The following OR8B2 variants were observed in gnomAD, a reference collection of about 807,000 sequenced individuals.
The protein encoded by OR8B2 is olfactory receptor family 8 subfamily B member 2, also known as olfactory receptor 8B2.
For synonymous variants in OR8B2, 98 were observed against 138.2 expected, an observed-to-expected ratio of 0.71 and a Z score of 2.04; for missense variants, 304 against 379.6, an observed-to-expected ratio of 0.80 and a Z score of 1.65.
At chr11:124,384,911 G>A (rs1015658968), upstream of OR8B2, among the ~76,000 whole-genome samples, 4 of 151,964 alleles carry the variant, frequency 2.6e-5, no homozygotes, top group African/African-American at 7.2e-5. Context: ...TATAATTATC[G>A]GCAGTGTTAG....
chr11:124,391,814 G>T, the OR8B2 span, among the ~76,000 whole-genome samples: 1 of 151,042 alleles, frequency 6.6e-6, no homozygotes, highest in Non-Finnish European at 1.5e-5. Context: ...AACCAAAAAA[G>T]AGAATTTTAG....
At chr11:124,386,177 T>C (rs1397741057), upstream of OR8B2, among the ~76,000 whole-genome samples, 1 of 151,802 alleles carries the variant, frequency 6.6e-6, no homozygotes, top group Non-Finnish European at 1.5e-5. Context: ...TCTACCTTTT[T>C]TTTTTGTCCC....
chr11:124,385,563 A>G (rs1256424375), upstream of OR8B2, among the ~76,000 whole-genome samples: 3 of 149,988 alleles, frequency 2.0e-5, no homozygotes, highest in Non-Finnish European at 4.4e-5. Context: ...AATCCTATGT[A>G]CCTATTTATG....
chr11:124,396,993 T>C, the OR8B2 span: 2 of 1,613,840 alleles, frequency 1.2e-6, no homozygotes, highest in Non-Finnish European at 1.7e-6. Context: ...ATAGCGATCA[T>C]ATGCCATTGA....
the OR8B2 span, among the ~76,000 whole-genome samples, chr11:124,391,877 A>T: frequency 4.0e-5 from 6 of 149,694 alleles, no homozygotes. Flanking sequence ...AATACTGGCA[A>T]ACCAAATCCA....
upstream of OR8B2, among the ~76,000 whole-genome samples, chr11:124,385,565 C>G (rs757228809): frequency 3.1e-5 from 4 of 129,028 alleles, no homozygotes; most frequent in Non-Finnish European, 6.8e-5. Flanking sequence ...TCCTATGTAC[C>G]TATTTATGTA....
chr11:124,383,017 G>A lies in OR8B2; in HGVS notation c.327C>T (p.Ile109=), dbSNP rs781326745. 3.1e-6 allele frequency: 5 copies of A among 1,613,828 alleles called. No individual in the cohort carries two copies. Among genetic ancestry groups the A allele is most frequent in the Non-Finnish European group, 3.4e-6 (4 of 1,179,842 alleles). Residue 109 remains isoleucine, a synonymous_variant, in exon 2 of 2, where the codon ATC becomes ATT. Transcript: ENST00000641451. ...TTGAAGTCAACATGTAACATTCAGA[G>A]ATGACGAAAAAGAGAAAGAAAAACA... ...TRLFFFLFFV[I]SECYMLTSMA... is the part of the protein sequence containing the mutation.
the OR8B2 span, chr11:124,396,425 T>C: frequency 8.0e-4 from 1,281 of 1,600,184 alleles, 1 homozygote; most frequent in Middle Eastern, 1.0e-3. Flanking sequence ...ATATATTTCT[T>C]CTCTGAATTT....
At chr11:124,388,253 C>T (rs572052842), upstream of OR8B2, among the ~76,000 whole-genome samples, 3 of 141,102 alleles carry the variant, frequency 2.1e-5, no homozygotes, top group Admixed American at 2.1e-4. Context: ...CCCTTTATTT[C>T]CTTCTCCTGC....
chr11:124,396,814 C>T, the OR8B2 span: 1 of 1,610,328 alleles, frequency 6.2e-7, no homozygotes, highest in African/African-American at 1.3e-5. Context: ...GGGAGTATGT[C>T]ACACAAGTAA....
At chr11:124,388,595 A>C (rs1591432380), upstream of OR8B2, among the ~76,000 whole-genome samples, 1 of 152,230 alleles carries the variant, frequency 6.6e-6, no homozygotes, top group South Asian at 2.1e-4. Flanking sequence ...TTCTGCTCAG[A>C]GTTGATGATG....
At chr11:124,395,896 A>C in the OR8B2 span, 1 of 152,724 alleles carries the variant, frequency 6.5e-6, no homozygotes, top group South Asian at 2.1e-4. Context: ...GAATAATAAA[A>C]GGCAAAATGG....
At chr11:124,394,032 A>C in the OR8B2 span, among the ~76,000 whole-genome samples, 1 of 146,212 alleles carries the variant, frequency 6.8e-6, no homozygotes, top group Non-Finnish European at 1.5e-5. Context: ...GCGTATTCTC[A>C]CTGATAGATG....
the OR8B2 span, among the ~76,000 whole-genome samples, chr11:124,391,585 T>G: frequency 6.6e-6 from 1 of 152,312 alleles, no homozygotes; most frequent in Admixed American, 6.5e-5. Flanking sequence ...AATCTCTGAA[T>G]AGACCAATAA....
At chr11:124,386,226 A>AT (rs1369450016), upstream of OR8B2, among the ~76,000 whole-genome samples, 1 of 145,002 alleles carries the variant, frequency 6.9e-6, no homozygotes, top group Non-Finnish European at 1.5e-5. Context: ...ATATTTATTT[A>AT]TTTTTTTCCC....
chr11:124,390,007 A>T, the OR8B2 span, among the ~76,000 whole-genome samples: 3 of 152,218 alleles, frequency 2.0e-5, no homozygotes, highest in Admixed American at 2.0e-4. Context: ...AAGGGGATGC[A>T]TAACCAGATT....
chr11:124,389,728 T>C, the OR8B2 span, among the ~76,000 whole-genome samples: 1 of 152,294 alleles, frequency 6.6e-6, no homozygotes, highest in East Asian at 1.9e-4. Flanking sequence ...ACACGAGGGT[T>C]TGACATGTGC....
At position 124,382,500 on chromosome 11, in the gene OR8B2, G is replaced by T; in HGVS notation, c.844C>A (p.Pro282Thr). 1 of 1,613,936 alleles carries T rather than the reference G, an allele frequency of 6.2e-7. No individual in the cohort carries two copies. The highest frequency in any genetic ancestry group is 8.5e-7 in the Non-Finnish European group (1 of 1,179,952). ...CTGTAGATGAGGGGATTGAGCATGG[G>T]CACCACATTAGTGTAGAAAACAGAA... ...VSSVFYTNVV[P>T]MLNPLIYSLR... The change falls in exon 2 of 2, where the codon CCC becomes ACC. Residue 282 changes from proline (P) to threonine (T), a missense_variant. Transcript: ENST00000641451.
chr11:124,393,720 A>G, the OR8B2 span, among the ~76,000 whole-genome samples: 3 of 152,196 alleles, frequency 2.0e-5, no homozygotes, highest in Non-Finnish European at 4.4e-5. Flanking sequence ...ATCTAGAACT[A>G]GAAATACCAT....
Sources: allele counts gnomAD v4.1 joint callset (sites outside exome capture counted in the v4.1 genomes callset), GRCh38; gene constraint gnomAD v4.1.1; transcripts MANE v1.5; gene names NCBI Gene and HGNC (gene_info 2026-07-23, HGNC 2026-07-21).